The following THSD7B variants were observed in gnomAD, a reference collection of about 807,000 sequenced individuals.
THSD7B encodes thrombospondin type-1 domain-containing protein 7B.
THSD7B carries 138 observed loss-of-function variants against 213.6 expected under a neutral mutation model. The observed-to-expected ratio is 0.65, with a 90% CI of 0.56 to 0.74. The LOEUF (loss-of-function observed/expected upper bound fraction) is 0.74. THSD7B is among the 30% of genes least tolerant of loss of function. The pLI is 0.00. For synonymous variants in THSD7B, 742 were observed against 687.0 expected, an observed-to-expected ratio of 1.08 and a Z score of -1.25; for missense variants, 1,931 against 1,991.5, an observed-to-expected ratio of 0.97 and a Z score of 0.58.
chr2:136,779,186 C>CTA (rs58403336), intron 1 of THSD7B, among the ~76,000 whole-genome samples: 3 of 141,922 alleles, frequency 2.1e-5, no homozygotes, highest in African/African-American at 5.1e-5. Context: ...TGTTAAAAGG[C>CTA]TATATATATA....
At chr2:137,653,904 T>C (rs114034062) in intron 21 of THSD7B, among the ~76,000 whole-genome samples, 12 of 152,178 alleles carry the variant, frequency 7.9e-5, no homozygotes, top group Non-Finnish European at 1.5e-4. Context: ...TCCATGTTGT[T>C]AGGATCACAC....
chr2:137,047,547 T>TA (rs1558899124), intron 2 of THSD7B, among the ~76,000 whole-genome samples: 1 of 151,974 alleles, frequency 6.6e-6, no homozygotes, highest in Admixed American at 6.6e-5. Flanking sequence ...GAAGAGGAGC[T>TA]AAAAAAAGGA....
intron 7 of THSD7B, among the ~76,000 whole-genome samples, chr2:137,189,426 G>A (rs748043405): frequency 3.9e-5 from 6 of 152,038 alleles, no homozygotes; most frequent in Admixed American, 6.6e-5. Flanking sequence ...TATGATGTTC[G>A]CTCTAGGCCC....
rs1553481982 is a variant in THSD7B at position 137,238,564 on chromosome 2, T to TTTTTTTC, written c.2151-3893_2151-3892insTTTTTTC. The stretch of plus-strand genomic sequence containing the variant: ...TTTTTTTTTTTTTTTTTTTTTTTTT[T>TTTTTTTC]GAGACGGAGTCTCGCTCTGTCGCCC... On this transcript the variant is annotated intron_variant, in intron 9 of 27. Transcript: ENST00000409968. Among the ~76,000 whole-genome samples, 98 of 83,414 alleles carry TTTTTTTC rather than the reference T, an allele frequency of 1.2e-3. 4 individuals carry two copies. The highest frequency in any genetic ancestry group is 7.4e-3 in the Middle Eastern group (1 of 136). 54.7% of individuals were successfully genotyped at this position (83,414 alleles called of 152,430 possible). A position where few individuals can be genotyped will look rare whatever the true frequency, so the allele number is the denominator to read the frequency against.
chr2:137,499,417 C>A (rs1007337721), intron 15 of THSD7B, among the ~76,000 whole-genome samples: 1 of 152,112 alleles, frequency 6.6e-6, no homozygotes, highest in Admixed American at 6.5e-5. Flanking sequence ...AGCCCTAATA[C>A]CATCATATCA....
intron 17 of THSD7B, among the ~76,000 whole-genome samples, chr2:137,586,333 A>G (rs145636057): frequency 0.02 from 3,038 of 152,290 alleles, 46 homozygotes; most frequent in Middle Eastern, 0.071. Flanking sequence ...TAGCCCATTT[A>G]CATTTAAGGT....
In THSD7B at chr2:137,381,043, A is replaced by C. The variant is rs535691947; in HGVS notation, c.2501-24570A>C. Among the ~76,000 whole-genome samples, 4 of 152,312 alleles carry C rather than the reference A, an allele frequency of 2.6e-5. No individual in the cohort carries two copies. In the East Asian group the frequency reaches 5.8e-4, roughly 22 times the overall value. ...CCTTGAGTGTTTTTCCAACTACCTG[A>C]CACTCACCCTTTGACTCCCCTCAGA... is the stretch of plus-strand genomic sequence containing the variant. On this transcript the variant is annotated intron_variant, in intron 12 of 27. Coordinates refer to ENST00000409968, the MANE Select transcript of THSD7B (RefSeq NM_001316349.2).
At chr2:137,600,127 G>GGA (rs375852315) in intron 17 of THSD7B, among the ~76,000 whole-genome samples, 14 of 151,726 alleles carry the variant, frequency 9.2e-5, no homozygotes, top group African/African-American at 1.5e-4. Flanking sequence ...ACACAGAGAG[G>GGA]GAGAGAGAGA....
chr2:137,089,135 A>G (rs1336140936), intron 3 of THSD7B, among the ~76,000 whole-genome samples: 6 of 152,086 alleles, frequency 3.9e-5, no homozygotes, highest in South Asian at 4.1e-4. Context: ...AAAATAAGTC[A>G]TTATACGAAA....
chr2:137,490,339 A>G (rs1464613726), intron 15 of THSD7B, among the ~76,000 whole-genome samples: 1 of 152,240 alleles, frequency 6.6e-6, no homozygotes, highest in Non-Finnish European at 1.5e-5. Flanking sequence ...TTAAATACAC[A>G]AAGACCATAT....
Position 137,588,129 on chromosome 2 carries a change from G to C in THSD7B, c.3423+15573G>C, listed in dbSNP as rs547496623. On this transcript the variant is annotated intron_variant, in intron 17 of 27. Coordinates refer to ENST00000409968, the MANE Select transcript of THSD7B (RefSeq NM_001316349.2). ...AGGCTCCAAGGGCGTGGGACCCTCC[G>C]AGCCAGGCACGGGATATAATCTCCT... Among the ~76,000 whole-genome samples the C allele has an allele frequency of 6.6e-5, 10 of 152,316 alleles. 1 individual carries two copies. In the South Asian group the frequency reaches 2.1e-3, roughly 32 times the overall value.
At chr2:136,999,509 T>G (rs1024773325) in intron 2 of THSD7B, among the ~76,000 whole-genome samples, 1 of 152,022 alleles carries the variant, frequency 6.6e-6, no homozygotes, top group Non-Finnish European at 1.5e-5. Flanking sequence ...CTTATCCCTT[T>G]TGTGTGTCAA....
chr2:136,823,454 A>T (rs1682596740), intron 1 of THSD7B, among the ~76,000 whole-genome samples: 1 of 152,128 alleles, frequency 6.6e-6, no homozygotes, highest in African/African-American at 2.4e-5. Flanking sequence ...CCTTAACATG[A>T]TCGGTTAACC....
At chr2:137,123,304 G>C (rs556422088) in intron 5 of THSD7B, among the ~76,000 whole-genome samples, 1 of 152,158 alleles carries the variant, frequency 6.6e-6, no homozygotes, top group South Asian at 2.1e-4. Context: ...CTCCCTGTGG[G>C]GTGAACCTTG....
intron 2 of THSD7B, among the ~76,000 whole-genome samples, chr2:136,956,869 G>A (rs1248244978): frequency 6.6e-6 from 1 of 151,860 alleles, no homozygotes; most frequent in Middle Eastern, 3.2e-3. Flanking sequence ...TAGTAGAGAC[G>A]GGGCTTGACC....
intron 1 of THSD7B, among the ~76,000 whole-genome samples, chr2:136,778,488 G>A (rs1300897282): frequency 6.6e-6 from 1 of 152,096 alleles, no homozygotes; most frequent in Non-Finnish European, 1.5e-5. Context: ...GGTAGAGCCT[G>A]CCTTCCACAG....
At chr2:137,411,538 C>A (rs928852349) in intron 13 of THSD7B, 71 bp from the exon 14 acceptor site, 157 of 1,377,424 alleles carry the variant, frequency 1.1e-4, no homozygotes, top group Admixed American at 2.5e-4. Context: ...ATTACAAATA[C>A]AAAAGTGTGA....
intron 12 of THSD7B, among the ~76,000 whole-genome samples, chr2:137,373,971 CTTGT>C (rs1402666130): frequency 1.3e-5 from 2 of 152,150 alleles, no homozygotes; most frequent in African/African-American, 4.8e-5. Flanking sequence ...TTCCCCATTG[CTTGT>C]TTTTCTCAGG....
intron 15 of THSD7B, among the ~76,000 whole-genome samples, chr2:137,471,088 G>A (rs1364210198): frequency 6.6e-6 from 1 of 151,458 alleles, no homozygotes; most frequent in Non-Finnish European, 1.5e-5. Flanking sequence ...CCTGGCTAAT[G>A]TTTTATATTT....
Sources: allele counts gnomAD v4.1 joint callset (sites outside exome capture counted in the v4.1 genomes callset), GRCh38; gene constraint gnomAD v4.1.1; transcripts MANE v1.5; gene names NCBI Gene and HGNC (gene_info 2026-07-23, HGNC 2026-07-21).